AP4E1: variants seen among roughly 807,000 people sequenced by gnomAD.
AP4E1 encodes AP-4 complex subunit epsilon-1.
In AP4E1, 56 loss-of-function variants were observed where a neutral mutation model predicts 128.2. That is an observed-to-expected ratio of 0.44 (90% CI 0.35 to 0.55). The LOEUF (loss-of-function observed/expected upper bound fraction) is 0.55, where lower values mean the gene tolerates loss of function less well. Ranked by LOEUF, AP4E1 falls within the 20% of genes least tolerant of loss-of-function variation. AP4E1 has a pLI of 0.00. For missense variants in AP4E1, 1,324 were observed against 1,307.7 expected (o/e 1.01, Z -0.19); for synonymous variants, 484 against 473.1 (o/e 1.02, Z -0.30).
At chr15:50,994,154 A>C (rs1464627890) in intron 17 of AP4E1, among the ~76,000 whole-genome samples, 2 of 152,228 alleles carry the variant, frequency 1.3e-5, no homozygotes, top group Non-Finnish European at 2.9e-5. Context: ...TGCCTTGTTT[A>C]TACCTAAGGC....
In AP4E1 at chr15:50,968,285, T is replaced by G. The variant is rs755363905; in HGVS notation, c.1874T>G (p.Leu625Arg). The change falls in exon 15 of 21, where the codon CTG becomes CGG. Residue 625 changes from leucine (L) to arginine (R), a missense_variant. Transcript: ENST00000261842. ...TAGGTAGATGCTTCTTTATCTTTTC[T>G]GGATGGTTTTGTGGCTGAAGGACTC... The part of the protein sequence containing the change: ...DLVVDASLSF[L>R]DGFVAEGLSQ... 6.2e-7 allele frequency: 1 copy of G among 1,613,568 alleles called. No homozygotes were observed. Among genetic ancestry groups the G allele is most frequent in the Non-Finnish European group, 8.5e-7 (1 of 1,179,698 alleles).
intron 6 of AP4E1, among the ~76,000 whole-genome samples, chr15:50,929,742 A>G (rs562611603): frequency 6.6e-6 from 1 of 152,296 alleles, no homozygotes; most frequent in East Asian, 1.9e-4. Flanking sequence ...AAAATATGCT[A>G]TTGAACTCAT....
Position 51,003,244 on chromosome 15 carries a change from A to G in AP4E1, c.*582A>G, listed in dbSNP as rs1272894315. The G allele has an allele frequency of 6.5e-6, 1 of 152,882 alleles. No homozygotes were observed. Among genetic ancestry groups the G allele is most frequent in the African/African-American group, 2.4e-5 (1 of 41,424 alleles). 9.5% of individuals were successfully genotyped at this position (152,882 alleles called of 1,614,324 possible). A position where few individuals can be genotyped will look rare whatever the true frequency, so the allele number is the denominator to read the frequency against. ...ATTGAGGGGATCCAATCTGTGATCTATTTTTTATTATAGATAACTGTTACA... is the reference window on the plus strand; with the variant it reads ...ATTGAGGGGATCCAATCTGTGATCTGTTTTTTATTATAGATAACTGTTACA... On this transcript the variant is annotated 3_prime_UTR_variant, in exon 21 of 21. Coordinates refer to ENST00000261842, the MANE Select transcript of AP4E1 (RefSeq NM_007347.5).
intron 11 of AP4E1, among the ~76,000 whole-genome samples, chr15:50,949,361 C>T (rs1268576129): frequency 1.3e-5 from 2 of 149,192 alleles, no homozygotes; most frequent in African/African-American, 2.5e-5. Context: ...CACAGTGAAC[C>T]GAGATCGCAC....
intron 7 of AP4E1, among the ~76,000 whole-genome samples, chr15:50,933,360 C>G (rs1314460716): frequency 6.6e-6 from 1 of 152,014 alleles, no homozygotes; most frequent in Non-Finnish European, 1.5e-5. Context: ...TTGAAAAAAC[C>G]AATTTACTGG....
At chr15:50,972,832 C>T (rs2064499509) in intron 15 of AP4E1, among the ~76,000 whole-genome samples, 1 of 152,130 alleles carries the variant, frequency 6.6e-6, no homozygotes, top group Admixed American at 6.5e-5. Flanking sequence ...TTTGGCTGGC[C>T]TTGGGGATGG....
intron 5 of AP4E1, among the ~76,000 whole-genome samples, chr15:50,926,517 G>A (rs2063771162): frequency 6.6e-6 from 1 of 151,694 alleles, no homozygotes; most frequent in Non-Finnish European, 1.5e-5. Context: ...AGATTTTTTT[G>A]TTACTCATAC....
intron 15 of AP4E1, among the ~76,000 whole-genome samples, chr15:50,978,577 A>T (rs1318033153): frequency 6.6e-6 from 1 of 152,196 alleles, no homozygotes; most frequent in African/African-American, 2.4e-5. Flanking sequence ...TTATTCACTT[A>T]TGCCCAGGAT....
rs193089247 is a variant in AP4E1 at position 51,001,371 on chromosome 15, T to G, written c.3253+188T>G. ...TTGGAAAATATACATACATAAAATA[T>G]ACCATTTTAACAATTTTTAAACATA... On this transcript the variant is annotated intron_variant, in intron 20 of 20. Coordinates refer to ENST00000261842, the MANE Select transcript of AP4E1 (RefSeq NM_007347.5). Among the ~76,000 whole-genome samples, 489 of 152,366 alleles carry G rather than the reference T, an allele frequency of 3.2e-3. 2 individuals carry two copies. The highest frequency in any genetic ancestry group is 4.9e-3 in the Admixed American group (75 of 15,306).
intron 14 of AP4E1, among the ~76,000 whole-genome samples, chr15:50,962,141 A>G (rs749658783): frequency 1.3e-5 from 2 of 152,098 alleles, no homozygotes; most frequent in Non-Finnish European, 2.9e-5. Flanking sequence ...ATGGAAATAA[A>G]TCCCATGCTC....
Position 50,997,394 on chromosome 15 carries a change from C to G in AP4E1, c.2415C>G (p.Gly805=). Residue 805 remains glycine (G), a synonymous_variant, in exon 18 of 21, where the codon GGC becomes GGG. Coordinates refer to ENST00000261842, the MANE Select transcript of AP4E1 (RefSeq NM_007347.5). The stretch of plus-strand genomic sequence containing the variant: ...CAAAAGTCAAAGAAGCTAAAAGTGG[C>G]GAAACAACCAGTACTCATAATATGA... The part of the protein sequence containing the change: ...RKSKVKEAKS[G]ETTSTHNMTC... 6.2e-7 allele frequency: 1 copy of G among 1,605,428 alleles called. No individual in the cohort carries two copies. The highest frequency in any genetic ancestry group is 8.5e-7 in the Non-Finnish European group (1 of 1,177,138).
chr15:50,994,825 G>A (rs2064847790), intron 17 of AP4E1, among the ~76,000 whole-genome samples: 1 of 152,112 alleles, frequency 6.6e-6, no homozygotes, highest in African/African-American at 2.4e-5. Flanking sequence ...TTTTTCCTTA[G>A]GAGAACATTC....
At chr15:50,973,088 G>A (rs2064504195) in intron 15 of AP4E1, among the ~76,000 whole-genome samples, 1 of 152,168 alleles carries the variant, frequency 6.6e-6, no homozygotes, top group African/African-American at 2.4e-5. Context: ...TTATTTGGAT[G>A]GTAGAAGGGA....
chr15:50,990,317 T>C (rs2064786818), intron 16 of AP4E1, among the ~76,000 whole-genome samples: 1 of 148,716 alleles, frequency 6.7e-6, no homozygotes, highest in Non-Finnish European at 1.5e-5. Context: ...TTCTTATGTA[T>C]TTTCCCATTT....
In AP4E1 at chr15:50,947,838, C is replaced by T. The variant is rs554467044; in HGVS notation, c.1177-182C>T. On this transcript the variant is annotated intron_variant, in intron 10 of 20. Coordinates refer to ENST00000261842, the MANE Select transcript of AP4E1 (RefSeq NM_007347.5). ...GAATTGATCATAATTCATTTTTTGA[C>T]GATAGTTTTACCTTTCTTAAGCTTT... Among the ~76,000 whole-genome samples the T allele has an allele frequency of 1.2e-3, 187 of 152,200 alleles. 3 individuals are homozygous for T. In the South Asian group the frequency reaches 0.016, roughly 13 times the overall value.
intron 10 of AP4E1, chr15:50,944,820 T>A: frequency 2.8e-6 from 2 of 716,320 alleles, no homozygotes; most frequent in Middle Eastern, 2.5e-4. Flanking sequence ...GGAATGAGTA[T>A]TTGCAAAACC....
At chr15:50,918,779 A>G (rs1370633460) in intron 3 of AP4E1, among the ~76,000 whole-genome samples, 1 of 152,242 alleles carries the variant, frequency 6.6e-6, no homozygotes, top group Non-Finnish European at 1.5e-5. Context: ...AGCATACTAT[A>G]TAGATTATTC....
intron 13 of AP4E1, among the ~76,000 whole-genome samples, chr15:50,951,875 C>T (rs539353965): frequency 1.3e-4 from 19 of 151,866 alleles, no homozygotes; most frequent in South Asian, 1.0e-3. Flanking sequence ...TACAGGCACA[C>T]GCCACTGCTT....
chr15:50,908,603 C>T, upstream of AP4E1: 1 of 829,538 alleles, frequency 1.2e-6, no homozygotes, highest in Non-Finnish European at 1.7e-6. Context: ...CTCTTGCGCC[C>T]TCTGGTGGCC....
Sources: allele counts gnomAD v4.1 joint callset (sites outside exome capture counted in the v4.1 genomes callset), GRCh38; gene constraint gnomAD v4.1.1; transcripts MANE v1.5; gene names NCBI Gene and HGNC (gene_info 2026-07-23, HGNC 2026-07-21).